DENND11: variants seen among roughly 807,000 people sequenced by gnomAD.
The protein encoded by DENND11 is DENN domain-containing protein 11.
In DENND11, 34 loss-of-function variants were observed where a neutral mutation model predicts 49.2. The observed-to-expected ratio is 0.69, with a 90% CI of 0.53 to 0.92. The LOEUF (loss-of-function observed/expected upper bound fraction) is 0.92, where lower values mean the gene tolerates loss of function less well. Ranked by LOEUF, DENND11 falls within the 40% of genes least tolerant of loss-of-function variation. DENND11 has a pLI of 0.00. For synonymous variants in DENND11, 238 were observed against 230.3 expected, an observed-to-expected ratio of 1.03 and a Z score of -0.30; for missense variants, 475 against 581.6, an observed-to-expected ratio of 0.82 and a Z score of 1.88.
intron 3 of DENND11, 85 bp from the exon 4 acceptor site, chr7:141,674,305 G>A (rs542692279): frequency 1.1e-5 from 16 of 1,400,528 alleles, no homozygotes; most frequent in East Asian, 8.7e-5. Flanking sequence ...CCTACCCTCC[G>A]CCCACCTCAA....
rs908777900 is a variant in DENND11 at position 141,664,228 on chromosome 7, C to T, written c.1116G>A (p.Leu372=). 1.9e-6 allele frequency: 3 copies of T among 1,583,430 alleles called. No individual in the cohort carries two copies. Among genetic ancestry groups the T allele is most frequent in the Non-Finnish European group, 2.6e-6 (3 of 1,162,994 alleles). Residue 372 remains leucine (L), a synonymous_variant, in exon 8 of 9, where the codon TTG becomes TTA. Coordinates refer to ENST00000536163, the MANE Select transcript of DENND11 (RefSeq NM_001080392.2). ...AGTCTTCTTCTACTTCCTGGGAGTA[C>T]AACAGCATCTGCCTGTTGGGAAGAT... The part of the protein sequence containing the change: ...RRLNEQRQML[L]YSQEVEEDYN...
intron 1 of DENND11, among the ~76,000 whole-genome samples, chr7:141,694,704 G>C (rs933426083): frequency 2.6e-5 from 4 of 152,150 alleles, no homozygotes; most frequent in South Asian, 2.1e-4. Context: ...CTGTTCCAAA[G>C]CAATCAATGT....
At chr7:141,678,182 C>A (rs112917303) in intron 3 of DENND11, among the ~76,000 whole-genome samples, 3 of 152,110 alleles carry the variant, frequency 2.0e-5, no homozygotes. Context: ...AGGCTGGTCT[C>A]GAACTCCTGA....
rs1797741857 is a variant in DENND11 at position 141,658,892 on chromosome 7, T to A, written c.*3764A>T. 6.6e-6 allele frequency: 1 copy of A among 152,624 alleles called. No individual in the cohort carries two copies. The highest frequency in any genetic ancestry group is 2.1e-4 in the South Asian group (1 of 4,828). The allele number at this position is 152,624 out of a possible 1,614,324, so 9.5% of individuals were successfully genotyped here. A position where few individuals can be genotyped will look rare whatever the true frequency, so the allele number is the denominator to read the frequency against. Reference sequence around the variant, plus strand: ...TGAGTGATTTCATCTTTTACTGTGTTTGAAGGGCTTTCAGTGCATCAAGAC... The same window carrying A: ...TGAGTGATTTCATCTTTTACTGTGTATGAAGGGCTTTCAGTGCATCAAGAC... On this transcript the variant is annotated 3_prime_UTR_variant, in exon 9 of 9. Coordinates refer to ENST00000536163, the MANE Select transcript of DENND11 (RefSeq NM_001080392.2).
intron 4 of DENND11, among the ~76,000 whole-genome samples, chr7:141,672,060 C>T (rs1457428400): frequency 1.3e-5 from 2 of 152,240 alleles, no homozygotes; most frequent in Non-Finnish European, 2.9e-5. Context: ...TCCAGCTTTC[C>T]TTAGCATGCA....
In DENND11 at chr7:141,660,320, A is replaced by G. The variant is rs964354511; in HGVS notation, c.*2336T>C. ...GCCCAAGGCCCCTATGACCTGAAAC[A>G]TGGCACTGCCTCACTGGCACGTTCT... On this transcript the variant is annotated 3_prime_UTR_variant, in exon 9 of 9. Transcript: ENST00000536163. The G allele has an allele frequency of 1.3e-5, 2 of 152,228 alleles. No individual in the cohort carries two copies. Among genetic ancestry groups the G allele is most frequent in the African/African-American group, 4.8e-5 (2 of 41,448 alleles). The allele number at this position is 152,228 out of a possible 1,614,324, so 9.4% of individuals were successfully genotyped here.
At position 141,661,221 on chromosome 7, in the gene DENND11, A is replaced by G. The variant is rs1433943585; in HGVS notation, c.*1435T>C. 1 of 152,176 alleles carries G rather than the reference A, an allele frequency of 6.6e-6. No individual in the cohort carries two copies. The highest frequency in any genetic ancestry group is 1.9e-4 in the East Asian group (1 of 5,196). 9.4% of individuals were successfully genotyped at this position (152,176 alleles called of 1,614,324 possible). A position where few individuals can be genotyped will look rare whatever the true frequency, so the allele number is the denominator to read the frequency against. The stretch of plus-strand genomic sequence containing the variant: ...TATTCCCATAACCGAGCCAGGCGGG[A>G]AGGGGGAAAAGGAAGACATTATTTG... On this transcript the variant is annotated 3_prime_UTR_variant, in exon 9 of 9. Coordinates refer to ENST00000536163, the MANE Select transcript of DENND11 (RefSeq NM_001080392.2).
At position 141,662,512 on chromosome 7, in the gene DENND11, A is replaced by C; in HGVS notation, c.*144T>G. 2 of 516,758 alleles carry C rather than the reference A, an allele frequency of 3.9e-6. No homozygotes were observed. The highest frequency in any genetic ancestry group is 6.3e-6 in the Non-Finnish European group (2 of 316,252). 32.0% of individuals were successfully genotyped at this position (516,758 alleles called of 1,614,324 possible). On this transcript the variant is annotated 3_prime_UTR_variant, in exon 9 of 9. Transcript: ENST00000536163. ...CTCTAGGGAAAAGGGCAGAAAGGAA[A>C]TTGCAAAAATTATGTTTGTTGGAAA...
At chr7:141,693,162 C>A (rs1798352700) in intron 1 of DENND11, among the ~76,000 whole-genome samples, 1 of 152,132 alleles carries the variant, frequency 6.6e-6, no homozygotes, top group African/African-American at 2.4e-5. Flanking sequence ...TAAAACTCAA[C>A]AATAAGAAAA....
Position 141,681,148 on chromosome 7 carries a change from C to T in DENND11, c.527+4330G>A, listed in dbSNP as rs1470768921. ...TTCAATAACTTGGGAGACCCTGTGT[C>T]ATCTGAATTTGTAGCTTTATGGGAA... On this transcript the variant is annotated intron_variant, in intron 3 of 8. Transcript: ENST00000536163. Among the ~76,000 whole-genome samples, 3 of 152,190 alleles carry T rather than the reference C, an allele frequency of 2.0e-5. 1 individual carries two copies. The Middle Eastern group carries it at 9.5e-3, about 482-fold the overall frequency.
At position 141,685,536 on chromosome 7, in the gene DENND11, G is replaced by C; in HGVS notation, c.469C>G (p.Leu157Val). ...RGARMKSVGI[L>V]SPSYTLLYRY... ...TAAAGCAGTGTGTAGGAGGGAGAGA[G>C]GATGCCCACAGACTTCATCCGCGCG... is the stretch of plus-strand genomic sequence containing the variant. The change falls in exon 3 of 9, where the codon CTC (leucine) becomes GTC (valine). Residue 157 changes from leucine (L) to valine (V), a missense_variant. Coordinates refer to ENST00000536163, the MANE Select transcript of DENND11 (RefSeq NM_001080392.2). 1 of 1,614,018 alleles carries C rather than the reference G, an allele frequency of 6.2e-7. No homozygotes were observed. Among genetic ancestry groups the C allele is most frequent in the Non-Finnish European group, 8.5e-7 (1 of 1,179,908 alleles).
intron 3 of DENND11, among the ~76,000 whole-genome samples, chr7:141,676,129 G>A (rs902172166): frequency 6.6e-6 from 1 of 152,162 alleles, no homozygotes; most frequent in Non-Finnish European, 1.5e-5. Flanking sequence ...GTTCAAAGGT[G>A]TTTTTATTAG....
chr7:141,687,946 T>G (rs1308581940), intron 1 of DENND11, among the ~76,000 whole-genome samples: 1 of 151,968 alleles, frequency 6.6e-6, no homozygotes, highest in Non-Finnish European at 1.5e-5. Flanking sequence ...GCCCAGCTAT[T>G]TTTTTTGTAT....
intron 3 of DENND11, among the ~76,000 whole-genome samples, chr7:141,677,286 C>T (rs1798072231): frequency 6.6e-6 from 1 of 151,132 alleles, no homozygotes; most frequent in Non-Finnish European, 1.5e-5. Context: ...ACTCGGGAGG[C>T]TGAGGCACGA....
intron 4 of DENND11, among the ~76,000 whole-genome samples, chr7:141,668,941 C>T (rs1274050353): frequency 1.3e-5 from 2 of 152,216 alleles, no homozygotes; most frequent in African/African-American, 4.8e-5. Flanking sequence ...CCTTTCAAGT[C>T]CATACTCCAT....
intron 7 of DENND11, 140 bp from the exon 8 acceptor site, chr7:141,664,380 C>T: frequency 1.6e-6 from 1 of 638,466 alleles, no homozygotes; most frequent in African/African-American, 1.8e-5. Context: ...AGGGTTTGGA[C>T]TCAAAATCCC....
Position 141,673,244 on chromosome 7 carries a change from A to T in DENND11, c.681+823T>A, listed in dbSNP as rs76629568. On this transcript the variant is annotated intron_variant, in intron 4 of 8. Coordinates refer to ENST00000536163, the MANE Select transcript of DENND11 (RefSeq NM_001080392.2). ...TTGTTTTCGCTGGAAAACAAGGAAT[A>T]AAAAAAAAAAAACAAAAAACATTTA... 4.2e-3 allele frequency among the ~76,000 whole-genome samples: 615 copies of T among 144,872 alleles called. 5 individuals are homozygous for T. Among genetic ancestry groups the T allele is most frequent in the African/African-American group, 0.014 (567 of 39,828 alleles).
At chr7:141,698,534 G>C (rs1306891376) in intron 1 of DENND11, among the ~76,000 whole-genome samples, 4 of 152,130 alleles carry the variant, frequency 2.6e-5, no homozygotes, top group Non-Finnish European at 5.9e-5. Context: ...GAAGCCCCTA[G>C]TTCTTAAGTC....
At chr7:141,699,546 C>CA (rs1040760637) in intron 1 of DENND11, among the ~76,000 whole-genome samples, 39 of 152,084 alleles carry the variant, frequency 2.6e-4, no homozygotes, top group African/African-American at 7.9e-4. Flanking sequence ...TTTCCCCCCA[C>CA]AAAAAAACAC....
Sources: allele counts gnomAD v4.1 joint callset (sites outside exome capture counted in the v4.1 genomes callset), GRCh38; gene constraint gnomAD v4.1.1; transcripts MANE v1.5; gene names NCBI Gene and HGNC (gene_info 2026-07-23, HGNC 2026-07-21).